AGBL4: variants seen among roughly 807,000 people sequenced by gnomAD.
The protein encoded by AGBL4 is AGBL carboxypeptidase 4.
Under a neutral mutation model 66.4 loss-of-function variants are expected in AGBL4, and 58 were observed. The observed-to-expected ratio is 0.87, with a 90% CI of 0.71 to 1.09. AGBL4 has a LOEUF of 1.09. Ranked by LOEUF, AGBL4 falls within the 50% of genes least tolerant of loss-of-function variation. The pLI, the probability that AGBL4 is intolerant of heterozygous loss-of-function variation, is 0.00. For synonymous variants in AGBL4, 234 were observed against 222.9 expected (o/e 1.05, Z -0.44); for missense variants, 579 against 631.0 (o/e 0.92, Z 0.88).
At chr1:49,022,183 T>TA (rs1304916402) in intron 5 of AGBL4, among the ~76,000 whole-genome samples, 1 of 152,152 alleles carries the variant, frequency 6.6e-6, no homozygotes, top group Non-Finnish European at 1.5e-5. Context: ...CTTAGCAAAA[T>TA]AATTGTCTTT....
intron 3 of AGBL4, among the ~76,000 whole-genome samples, chr1:49,599,120 A>G (rs1644906193): frequency 6.6e-6 from 1 of 152,204 alleles, no homozygotes; most frequent in Admixed American, 6.5e-5. Context: ...GACCTCATAA[A>G]ATGAGTTAGG....
At position 49,372,631 on chromosome 1, in the gene AGBL4, C is replaced by T. The variant is rs868611684; in HGVS notation, c.283-126767G>A. Among the ~76,000 whole-genome samples, 19 of 125,496 alleles carry T rather than the reference C, an allele frequency of 1.5e-4. 1 individual carries two copies. Among genetic ancestry groups the T allele is most frequent in the African/African-American group, 6.8e-4 (18 of 26,486 alleles). The allele number at this position is 125,496 out of a possible 152,430, so 82.3% of individuals were successfully genotyped here. ...TTTTTCTTTCTTTCTTTCTTTCTTT[C>T]TTTCTTTCTTTCTTTCTTTCTTTCT... On this transcript the variant is annotated intron_variant, in intron 3 of 13. Coordinates refer to ENST00000371839, the MANE Select transcript of AGBL4 (RefSeq NM_032785.4).
At chr1:49,877,926 G>C (rs1176309724) in intron 1 of AGBL4, among the ~76,000 whole-genome samples, 1 of 152,104 alleles carries the variant, frequency 6.6e-6, no homozygotes, top group Admixed American at 6.5e-5. Context: ...ATTTCTTCTA[G>C]ATTTTCTAGT....
At chr1:48,938,844 T>C (rs977327836) in intron 5 of AGBL4, among the ~76,000 whole-genome samples, 2 of 152,204 alleles carry the variant, frequency 1.3e-5, no homozygotes, top group African/African-American at 4.8e-5. Flanking sequence ...AATATTTGTG[T>C]TTAACTTCAT....
At chr1:48,543,393 TC>T (rs1484557572) in intron 11 of AGBL4, among the ~76,000 whole-genome samples, 1 of 147,904 alleles carries the variant, frequency 6.8e-6, no homozygotes, top group Non-Finnish European at 1.5e-5. Flanking sequence ...CATCCATCCA[TC>T]CATCCATCCA....
intron 2 of AGBL4, among the ~76,000 whole-genome samples, chr1:49,712,997 A>T (rs1647791302): frequency 6.6e-6 from 1 of 152,098 alleles, no homozygotes; most frequent in Admixed American, 6.6e-5. Context: ...CAGAAGTAAT[A>T]TATAGTTGCC....
intron 2 of AGBL4, among the ~76,000 whole-genome samples, chr1:49,741,853 C>A (rs1431182002): frequency 6.6e-6 from 1 of 152,108 alleles, no homozygotes; most frequent in African/African-American, 2.4e-5. Flanking sequence ...TTCAACAACA[C>A]TTCATGCTAA....
chr1:48,576,828 G>C (rs1178803593), intron 11 of AGBL4, among the ~76,000 whole-genome samples: 1 of 152,190 alleles, frequency 6.6e-6, no homozygotes, highest in Non-Finnish European at 1.5e-5. Flanking sequence ...TCTGGCAGAA[G>C]GGTAGTGTGG....
chr1:49,716,880 C>A (rs879491903), intron 2 of AGBL4, among the ~76,000 whole-genome samples: 5 of 152,070 alleles, frequency 3.3e-5, no homozygotes, highest in African/African-American at 1.2e-4. Context: ...GACAAGGATG[C>A]CCTCTCTCAC....
At chr1:48,823,970 GGT>G (rs3043321) in intron 6 of AGBL4, among the ~76,000 whole-genome samples, 2 of 150,746 alleles carry the variant, frequency 1.3e-5, no homozygotes, top group African/African-American at 4.9e-5. Context: ...TGGGACAAAA[GGT>G]GTGTGTGTGT....
At chr1:49,948,060 A>G (rs1344908047) in intron 1 of AGBL4, among the ~76,000 whole-genome samples, 60 of 71,692 alleles carry the variant, frequency 8.4e-4, no homozygotes, top group African/African-American at 4.3e-3. Context: ...AAATATATAT[A>G]TGTAAATATA....
intron 3 of AGBL4, among the ~76,000 whole-genome samples, chr1:49,595,838 C>A (rs907602678): frequency 5.3e-5 from 8 of 152,108 alleles, no homozygotes; most frequent in African/African-American, 9.7e-5. Flanking sequence ...ACAGTCCTAG[C>A]AGAACTACAT....
chr1:49,288,656 C>T (rs1160481479), intron 3 of AGBL4, among the ~76,000 whole-genome samples: 1 of 152,122 alleles, frequency 6.6e-6, no homozygotes, highest in Non-Finnish European at 1.5e-5. Flanking sequence ...GAGCTTTCAA[C>T]AGTCTCAAAG....
intron 3 of AGBL4, among the ~76,000 whole-genome samples, chr1:49,292,931 A>T (rs1363327758): frequency 6.6e-6 from 1 of 152,216 alleles, no homozygotes; most frequent in East Asian, 1.9e-4. Context: ...GGGCTGAAAG[A>T]GCTATAACAC....
intron 3 of AGBL4, among the ~76,000 whole-genome samples, chr1:49,614,601 C>T (rs1034694469): frequency 2.0e-5 from 3 of 152,094 alleles, no homozygotes; most frequent in Admixed American, 2.0e-4. Context: ...TATGTATGTT[C>T]CCTCTAGTAG....
chr1:48,579,915 CAAA>C (rs35518235), intron 11 of AGBL4, among the ~76,000 whole-genome samples: 3 of 65,734 alleles, frequency 4.6e-5, no homozygotes. Flanking sequence ...GACTCCGCCT[CAAA>C]AAAAAAAAAA....
intron 9 of AGBL4, among the ~76,000 whole-genome samples, chr1:48,613,971 A>G (rs1205357133): frequency 6.6e-6 from 1 of 152,224 alleles, no homozygotes; most frequent in Non-Finnish European, 1.5e-5. Flanking sequence ...GTTAGTGGGC[A>G]TTTTAATTTT....
intron 5 of AGBL4, among the ~76,000 whole-genome samples, chr1:49,028,566 C>T (rs988017945): frequency 2.6e-5 from 4 of 152,022 alleles, no homozygotes; most frequent in Non-Finnish European, 4.4e-5. Flanking sequence ...TATATTGAAA[C>T]CAGCAAGAGA....
At chr1:48,705,478 A>C (rs1221058726) in intron 6 of AGBL4, among the ~76,000 whole-genome samples, 1 of 152,236 alleles carries the variant, frequency 6.6e-6, no homozygotes, top group Non-Finnish European at 1.5e-5. Context: ...AGCATTTCAC[A>C]TACATTGTCT....
Sources: gnomAD v4.1 joint callset for allele counts (sites outside exome capture counted in the v4.1 genomes callset) on GRCh38, gnomAD v4.1.1 for gene constraint, MANE v1.5 for transcripts, NCBI Gene and HGNC (gene_info 2026-07-23, HGNC 2026-07-21) for gene names.